DIAPH3: variants seen among roughly 807,000 people sequenced by gnomAD.
The protein encoded by DIAPH3 is protein diaphanous homolog 3.
DIAPH3 carries 117 observed loss-of-function variants against 144.3 expected under a neutral mutation model. That is an observed-to-expected ratio of 0.81 (90% CI 0.70 to 0.95). The LOEUF (loss-of-function observed/expected upper bound fraction) is 0.95. Among genes scored for constraint, DIAPH3 ranks in the 40% least tolerant of loss-of-function variants. The pLI, the probability that DIAPH3 is intolerant of heterozygous loss-of-function variation, is 0.00. For synonymous variants in DIAPH3, 519 were observed against 488.9 expected, an observed-to-expected ratio of 1.06 and a Z score of -0.81; for missense variants, 1,421 against 1,412.7, an observed-to-expected ratio of 1.01 and a Z score of -0.09.
chr13:59,729,808 A>ATTTTTTTTTTTTTTTTTTTTTTTTT lies in DIAPH3; in HGVS notation c.3319+44380_3319+44381insAAAAAAAAAAAAAAAAAAAAAAAAA, dbSNP rs202135165. On this transcript the variant is annotated intron_variant, in intron 27 of 27. Coordinates refer to ENST00000400324, the MANE Select transcript of DIAPH3 (RefSeq NM_001042517.2). Reference sequence around the variant, plus strand: ...TTTGTGACTTCCGGTGAATACATTAATATTTTTTTTTTTTTTTTTTTGAGA... The same window carrying ATTTTTTTTTTTTTTTTTTTTTTTTT: ...TTTGTGACTTCCGGTGAATACATTAATTTTTTTTTTTTTTTTTTTTTTTTTTATTTTTTTTTTTTTTTTTTTGAGA... 5.2e-5 allele frequency among the ~76,000 whole-genome samples: 6 copies of ATTTTTTTTTTTTTTTTTTTTTTTTT among 115,186 alleles called. 1 individual carries two copies. The highest frequency in any genetic ancestry group is 1.1e-4 in the African/African-American group (3 of 28,430). The allele number at this position is 115,186 out of a possible 152,430, so 75.6% of individuals were successfully genotyped here. A position where few individuals can be genotyped will look rare whatever the true frequency, so the allele number is the denominator to read the frequency against.
At position 60,025,161 on chromosome 13, in the gene DIAPH3, G is replaced by A. The variant is rs144477071; in HGVS notation, c.627-9016C>T. Among the ~76,000 whole-genome samples, 14 of 152,090 alleles carry A rather than the reference G, an allele frequency of 9.2e-5. No homozygotes were observed. The East Asian group carries it at 2.7e-3, about 29-fold the overall frequency. ...AAAGCAGTTATTGCCAACATTTTCT[G>A]TCTTGTTTGCTGCCATTTTTGTGGT... On this transcript the variant is annotated intron_variant, in intron 5 of 27. Coordinates refer to ENST00000400324, the MANE Select transcript of DIAPH3 (RefSeq NM_001042517.2).
intron 25 of DIAPH3, among the ~76,000 whole-genome samples, chr13:59,778,894 A>G (rs780170418): frequency 2.0e-5 from 3 of 152,218 alleles, no homozygotes; most frequent in Non-Finnish European, 4.4e-5. Flanking sequence ...AGTTCTTACA[A>G]TATAAAGTTC....
chr13:59,931,569 G>C (rs2140332846), intron 17 of DIAPH3, among the ~76,000 whole-genome samples: 1 of 152,230 alleles, frequency 6.6e-6, no homozygotes. Context: ...CAGAAACTTT[G>C]ATTGTCACTA....
intron 5 of DIAPH3, among the ~76,000 whole-genome samples, chr13:60,020,021 T>C (rs746199303): frequency 2.0e-5 from 3 of 152,224 alleles, no homozygotes; most frequent in Admixed American, 2.0e-4. Context: ...ATTACCCTTA[T>C]GATCTGGAAT....
chr13:59,904,569 C>A (rs1361902329), intron 20 of DIAPH3, among the ~76,000 whole-genome samples: 1 of 152,144 alleles, frequency 6.6e-6, no homozygotes, highest in Admixed American at 6.5e-5. Context: ...ACAAGATCCT[C>A]TATTTAATCA....
At chr13:59,910,164 T>A (rs2046920286) in intron 20 of DIAPH3, among the ~76,000 whole-genome samples, 1 of 127,688 alleles carries the variant, frequency 7.8e-6, no homozygotes. Flanking sequence ...AATTCAAGTG[T>A]CAAAACATAG....
intron 4 of DIAPH3, among the ~76,000 whole-genome samples, chr13:60,059,479 A>T (rs2056683109): frequency 6.6e-6 from 1 of 152,064 alleles, no homozygotes; most frequent in Non-Finnish European, 1.5e-5. Flanking sequence ...TCCTTAATTC[A>T]GGTTTTTAAA....
At chr13:60,095,178 A>G (rs1011674256) in intron 3 of DIAPH3, among the ~76,000 whole-genome samples, 12 of 152,180 alleles carry the variant, frequency 7.9e-5, no homozygotes, top group Non-Finnish European at 1.8e-4. Context: ...AATCATCCTT[A>G]ACTAAGCCTA....
At chr13:59,807,575 A>T (rs1175633001) in intron 25 of DIAPH3, among the ~76,000 whole-genome samples, 3 of 151,924 alleles carry the variant, frequency 2.0e-5, no homozygotes, top group African/African-American at 7.3e-5. Context: ...AGTTACTCAG[A>T]CTATGCTCTG....
At chr13:60,104,042 T>C (rs375742641) in intron 3 of DIAPH3, among the ~76,000 whole-genome samples, 5 of 152,162 alleles carry the variant, frequency 3.3e-5, no homozygotes, top group African/African-American at 1.2e-4. Context: ...TAAATGAATC[T>C]TATCTAGTTC....
chr13:60,004,603 T>G (rs1429909365), intron 9 of DIAPH3, among the ~76,000 whole-genome samples: 1 of 152,198 alleles, frequency 6.6e-6, no homozygotes, highest in East Asian at 1.9e-4. Flanking sequence ...GTAAAACAAT[T>G]CTTTCCATTT....
chr13:59,905,037 T>C (rs2046649359), intron 20 of DIAPH3, among the ~76,000 whole-genome samples: 1 of 152,040 alleles, frequency 6.6e-6, no homozygotes, highest in Admixed American at 6.5e-5. Flanking sequence ...TCCTCACTTA[T>C]ATTATTCATA....
At chr13:60,119,172 T>C (rs991556974) in intron 2 of DIAPH3, among the ~76,000 whole-genome samples, 1 of 152,174 alleles carries the variant, frequency 6.6e-6, no homozygotes, top group African/African-American at 2.4e-5. Flanking sequence ...ACAGCTTTTG[T>C]TTTGCTCCTT....
chr13:59,670,683 C>T (rs1206747354), intron 27 of DIAPH3, among the ~76,000 whole-genome samples: 1 of 151,396 alleles, frequency 6.6e-6, no homozygotes, highest in Non-Finnish European at 1.5e-5. Context: ...CCCGGGTTCA[C>T]GCCATTGTCT....
At chr13:60,161,890 AAGT>A (rs1952312260) in intron 1 of DIAPH3, among the ~76,000 whole-genome samples, 1 of 152,248 alleles carries the variant, frequency 6.6e-6, no homozygotes, top group Non-Finnish European at 1.5e-5. Flanking sequence ...ATATTCAGAA[AAGT>A]AGCAGATTAG....
At chr13:59,857,637 T>C (rs1270758746) in intron 22 of DIAPH3, among the ~76,000 whole-genome samples, 2 of 152,208 alleles carry the variant, frequency 1.3e-5, no homozygotes, top group African/African-American at 2.4e-5. Flanking sequence ...GAATAATCCC[T>C]GGTCTAGAGC....
chr13:60,060,811 A>C (rs924744473), intron 4 of DIAPH3, among the ~76,000 whole-genome samples: 2 of 152,106 alleles, frequency 1.3e-5, no homozygotes, highest in Non-Finnish European at 2.9e-5. Context: ...GAAAATTTAA[A>C]ATTTTAATAA....
intron 21 of DIAPH3, among the ~76,000 whole-genome samples, chr13:59,862,777 A>C (rs2139940444): frequency 6.6e-6 from 1 of 152,220 alleles, no homozygotes; most frequent in East Asian, 1.9e-4. Context: ...AACTGCACCT[A>C]TAAAATTTTA....
At chr13:60,043,283 G>T (rs185582981) in intron 4 of DIAPH3, among the ~76,000 whole-genome samples, 8 of 152,084 alleles carry the variant, frequency 5.3e-5, no homozygotes, top group Admixed American at 5.2e-4. Context: ...AACAAAAAGC[G>T]AAGTCTGGAA....
Sources: allele counts gnomAD v4.1 joint callset (sites outside exome capture counted in the v4.1 genomes callset), GRCh38; gene constraint gnomAD v4.1.1; transcripts MANE v1.5; gene names NCBI Gene and HGNC (gene_info 2026-07-23, HGNC 2026-07-21).